DMTN: variants seen among roughly 807,000 people sequenced by gnomAD.
The protein encoded by DMTN is dematin actin binding protein.
In DMTN, 27 loss-of-function variants were observed where a neutral mutation model predicts 59.4. That is an observed-to-expected ratio of 0.45 (90% confidence interval 0.33 to 0.63). The LOEUF (loss-of-function observed/expected upper bound fraction) is 0.63, where lower values mean the gene tolerates loss of function less well. Among genes scored for constraint, DMTN ranks in the 20% least tolerant of loss-of-function variants. The probability of loss-of-function intolerance (pLI) is 0.02; values close to 1 mark genes in which losing one functional copy is unlikely to be tolerated. For missense variants in DMTN, 451 were observed against 528.9 expected, an observed-to-expected ratio of 0.85 and a Z score of 1.45; for synonymous variants, 221 against 203.7, an observed-to-expected ratio of 1.08 and a Z score of -0.72.
In DMTN at chr8:22,066,844, G is replaced by A. The variant is rs561674402; in HGVS notation, c.-32G>A. 2.1e-6 allele frequency: 3 copies of A among 1,417,124 alleles called. No individual in the cohort carries two copies. Among genetic ancestry groups the A allele is most frequent in the Admixed American group, 5.3e-5 (2 of 37,598 alleles). The allele number at this position is 1,417,124 out of a possible 1,614,324, so 87.8% of individuals were successfully genotyped here. A position where few individuals can be genotyped will look rare whatever the true frequency, so the allele number is the denominator to read the frequency against. On this transcript the variant is annotated 5_prime_UTR_variant, in exon 2 of 16. Transcript: ENST00000358242. ...CCTCTCCCCTCGCGCACAGGGCTCT[G>A]CGAGTGACCCGGCGGGCGAGCTCCG... is the stretch of plus-strand genomic sequence containing the variant.
At chr8:22,052,135 G>A (rs541979761), upstream of DMTN, among the ~76,000 whole-genome samples, 45 of 152,320 alleles carry the variant, frequency 3.0e-4, no homozygotes, top group Non-Finnish European at 5.7e-4. Context: ...CGGGATGAGC[G>A]ACTGTCTCCA....
intron 5 of DMTN, 69 bp downstream of exon 5, chr8:22,069,129 C>G (rs1177564423): frequency 6.5e-7 from 1 of 1,539,330 alleles, no homozygotes; most frequent in Non-Finnish European, 8.9e-7. Context: ...CCTCCCCTCA[C>G]ACATCAGACC....
chr8:22,081,092 T>TGGGGGGGCG, intron 14 of DMTN, 21 bp from the exon 15 acceptor site: 1 of 1,547,318 alleles, frequency 6.5e-7, no homozygotes, highest in Non-Finnish European at 8.9e-7. Flanking sequence ...AGCCTAAGAT[T>TGGGGGGGCG]GCCCCTCCCC....
intron 5 of DMTN, 148 bp downstream of exon 5, chr8:22,069,208 C>A: frequency 1.9e-6 from 2 of 1,030,930 alleles, no homozygotes; most frequent in Non-Finnish European, 2.8e-6. Flanking sequence ...GCTCTGTGTC[C>A]ATCATTCTGT....
Position 22,066,735 on chromosome 8 carries a change from G to A in DMTN, c.-141G>A, listed in dbSNP as rs1299732048. On this transcript the variant is annotated 5_prime_UTR_variant, in exon 2 of 16. Transcript: ENST00000358242. ...AGAGTCACCGCCGAGGGATGAGGAC[G>A]CGCCAGCCCGGGGGAACGCGCCAGC... 3 of 933,052 alleles carry A rather than the reference G, an allele frequency of 3.2e-6. No homozygotes were observed. Among genetic ancestry groups the A allele is most frequent in the Non-Finnish European group, 4.3e-6 (3 of 704,340 alleles). 57.8% of individuals were successfully genotyped at this position (933,052 alleles called of 1,614,324 possible). A position where few individuals can be genotyped will look rare whatever the true frequency, so the allele number is the denominator to read the frequency against.
intron 10 of DMTN, among the ~76,000 whole-genome samples, chr8:22,077,179 A>G (rs1428446702): frequency 1.3e-5 from 2 of 152,062 alleles, no homozygotes; most frequent in African/African-American, 4.8e-5. Flanking sequence ...CAGAGCCGAA[A>G]CTGAGAAGGT....
At chr8:22,071,112 T>G (rs1815108615) in intron 8 of DMTN, among the ~76,000 whole-genome samples, 1 of 147,556 alleles carries the variant, frequency 6.8e-6, no homozygotes, top group Non-Finnish European at 1.5e-5. Context: ...ATTTATTTAT[T>G]TGAGATGGAG....
Position 22,066,744 on chromosome 8 carries a change from CG to C in DMTN, c.-127del. 3.8e-6 allele frequency: 4 copies of C among 1,046,856 alleles called. No homozygotes were observed. Among genetic ancestry groups the C allele is most frequent in the East Asian group, 3.7e-5 (1 of 27,258 alleles). 64.8% of individuals were successfully genotyped at this position (1,046,856 alleles called of 1,614,324 possible). The stretch of plus-strand genomic sequence containing the variant: ...GCCGAGGGATGAGGACGCGCCAGCC[CG>C]GGGGAACGCGCCAGCTGCTTTCGCG... On this transcript the variant is annotated 5_prime_UTR_variant, in exon 2 of 16. An upstream open reading frame in the 5' UTR loses its in-frame stop. Coordinates refer to ENST00000358242, the MANE Select transcript of DMTN (RefSeq NM_001387751.1).
chr8:22,070,669 C>T (rs529470273), intron 8 of DMTN, among the ~76,000 whole-genome samples: 4 of 152,254 alleles, frequency 2.6e-5, no homozygotes, highest in South Asian at 2.1e-4. Context: ...TGGTCCCCAG[C>T]GAATTTTATT....
chr8:22,079,839 T>C lies in DMTN; in HGVS notation c.836-341T>C, dbSNP rs141807356. ...TAATAATGTAATTATTGTGATTCGA[T>C]TTTAGTTTTCTTTGTGTATCCCAGA... is the stretch of plus-strand genomic sequence containing the variant. On this transcript the variant is annotated intron_variant, in intron 10 of 15. Transcript: ENST00000358242. Among the ~76,000 whole-genome samples the C allele has an allele frequency of 4.8e-3, 726 of 152,258 alleles. 5 individuals are homozygous for C. The highest frequency in any genetic ancestry group is 0.017 in the African/African-American group (694 of 41,558).
chr8:22,065,827 C>CTTTTT (rs76626050), intron 1 of DMTN, among the ~76,000 whole-genome samples: 26 of 74,592 alleles, frequency 3.5e-4, no homozygotes, highest in African/African-American at 1.3e-3. Flanking sequence ...AGAGCAAGAC[C>CTTTTT]TTTTTTTTTT....
Position 22,060,848 on chromosome 8 carries a change from G to C in DMTN, c.-172+3712G>C, listed in dbSNP as rs1322054905. 6.6e-6 allele frequency among the ~76,000 whole-genome samples: 1 copy of C among 152,244 alleles called. No homozygotes were observed. The highest frequency in any genetic ancestry group is 1.9e-4 in the East Asian group (1 of 5,196). ...ATGGTTTTAGAAATCAGACAGACCT[G>C]AGCTTAGATTCCACACAATACTGTG... On this transcript the variant is annotated intron_variant, in intron 1 of 15. Coordinates refer to ENST00000358242, the MANE Select transcript of DMTN (RefSeq NM_001387751.1). The surrounding 1 kb of genome is among the most constrained non-coding windows in gnomAD (Gnocchi z 5.0).
chr8:22,053,929 A>T (rs148951158), upstream of DMTN: 1 of 152,406 alleles, frequency 6.6e-6, no homozygotes, highest in Non-Finnish European at 1.5e-5. Context: ...CTCTCAGACA[A>T]GCCATGGGGG....
intron 8 of DMTN, among the ~76,000 whole-genome samples, chr8:22,071,611 G>A (rs938470457): frequency 1.3e-5 from 2 of 151,638 alleles, no homozygotes; most frequent in East Asian, 1.9e-4. Context: ...ACAGAGTCTC[G>A]CTCTGTCACC....
intron 10 of DMTN, among the ~76,000 whole-genome samples, chr8:22,079,302 T>TATATATATATATATATATAAA (rs1491109949): frequency 6.4e-5 from 1 of 15,526 alleles, no homozygotes; most frequent in African/African-American, 1.2e-4. Context: ...ATATATATAT[T>TATATATATATATATATATAAA]AGCTGGGTTT....
At chr8:22,069,692 C>G (rs1813692846) in intron 6 of DMTN, among the ~76,000 whole-genome samples, 174 bp downstream of exon 6, 1 of 152,144 alleles carries the variant, frequency 6.6e-6, no homozygotes, top group Non-Finnish European at 1.5e-5. Context: ...TTTTCTCTCT[C>G]CCCCAGCCGG....
At chr8:22,076,908 G>A (rs1820276414) in intron 10 of DMTN, among the ~76,000 whole-genome samples, 1 of 152,258 alleles carries the variant, frequency 6.6e-6, no homozygotes, top group East Asian at 1.9e-4. Flanking sequence ...CAGATGAGAA[G>A]CCGAGGTTGT....
At chr8:22,070,581 C>A (rs887631666) in intron 8 of DMTN, among the ~76,000 whole-genome samples, 15 of 152,180 alleles carry the variant, frequency 9.9e-5, no homozygotes, top group African/African-American at 3.6e-4. Context: ...CCTGACTCAA[C>A]AGACATGTAT....
chr8:22,056,704 G>T (rs768416501), upstream of DMTN, among the ~76,000 whole-genome samples: 5 of 152,184 alleles, frequency 3.3e-5, no homozygotes, highest in Non-Finnish European at 5.9e-5. Flanking sequence ...TGGTGGAAGA[G>T]CGCGCACATC....
Sources: gnomAD v4.1 joint callset for allele counts (sites outside exome capture counted in the v4.1 genomes callset) on GRCh38, gnomAD v4.1.1 for gene constraint, Gnocchi (gnomAD v3.1) non-coding constraint, MANE v1.5 for transcripts, NCBI Gene and HGNC (gene_info 2026-07-23, HGNC 2026-07-21) for gene names.